ESRRG: variants seen among roughly 807,000 people sequenced by gnomAD.
The protein encoded by ESRRG is estrogen related receptor gamma.
In ESRRG, 13 loss-of-function variants were observed where a neutral mutation model predicts 44.0. The ratio of observed to expected loss-of-function variants is 0.30; its 90% CI spans 0.19 to 0.47. The LOEUF is 0.47. Among genes scored for constraint, ESRRG ranks in the 20% least tolerant of loss-of-function variants. The probability of loss-of-function intolerance (pLI) is 1.00; values close to 1 mark genes in which losing one functional copy is unlikely to be tolerated. For synonymous variants in ESRRG, 215 were observed against 214.6 expected (o/e 1.00, Z -0.02); for missense variants, 395 against 580.6 (o/e 0.68, Z 3.29).
chr1:217,009,843 T>C (rs543331340), intron 1 of ESRRG, among the ~76,000 whole-genome samples: 1 of 151,668 alleles, frequency 6.6e-6, no homozygotes, highest in African/African-American at 2.4e-5. Context: ...GTAGCTGAGA[T>C]TACAGGTGCC....
chr1:217,005,159 T>G (rs1157147778), intron 1 of ESRRG, among the ~76,000 whole-genome samples: 3 of 152,208 alleles, frequency 2.0e-5, no homozygotes, highest in Admixed American at 6.6e-5. Flanking sequence ...ATTTTATGTC[T>G]TATTTTCATT....
intron 2 of ESRRG, among the ~76,000 whole-genome samples, chr1:216,672,792 A>G (rs2075428854): frequency 6.6e-6 from 1 of 152,136 alleles, no homozygotes; most frequent in Non-Finnish European, 1.5e-5. Flanking sequence ...ACTTGAGCCC[A>G]GGAGGTGGAG....
chr1:217,135,462 AAGCGTGTGG>A (rs2093035707), intron 1 of ESRRG, among the ~76,000 whole-genome samples: 1 of 152,034 alleles, frequency 6.6e-6, no homozygotes, highest in South Asian at 2.1e-4. Context: ...GGACAAGAGA[AAGCGTGTGG>A]AGCTGGAGGT....
At chr1:216,621,083 C>T (rs1385526573) in intron 3 of ESRRG, among the ~76,000 whole-genome samples, 2 of 152,074 alleles carry the variant, frequency 1.3e-5, no homozygotes, top group South Asian at 2.1e-4. Flanking sequence ...GAAGCAGCCC[C>T]AGATATGTAT....
chr1:216,622,572 T>A (rs962182730), intron 3 of ESRRG, among the ~76,000 whole-genome samples: 2 of 151,788 alleles, frequency 1.3e-5, no homozygotes, highest in Non-Finnish European at 2.9e-5. Flanking sequence ...TGTTTCTTCT[T>A]TTTATTAAGT....
chr1:216,685,983 A>G (rs1294666369), intron 1 of ESRRG: 1 of 152,258 alleles, frequency 6.6e-6, no homozygotes, highest in Non-Finnish European at 1.5e-5. Context: ...TGCTTCAAGC[A>G]CATATGAAAA....
intron 5 of ESRRG, among the ~76,000 whole-genome samples, chr1:216,540,019 A>T (rs2052229265): frequency 6.6e-6 from 1 of 152,028 alleles, no homozygotes; most frequent in Admixed American, 6.6e-5. Flanking sequence ...CAAGAAATTT[A>T]AAATAGGCCC....
At chr1:216,785,124 T>A (rs2094079313) in intron 2 of ESRRG, among the ~76,000 whole-genome samples, 1 of 151,976 alleles carries the variant, frequency 6.6e-6, no homozygotes. Flanking sequence ...AAAAATCAAA[T>A]TTCTTTAGAA....
chr1:216,769,063 AG>A (rs1386430006), intron 2 of ESRRG, among the ~76,000 whole-genome samples: 1 of 133,228 alleles, frequency 7.5e-6, no homozygotes, highest in Non-Finnish European at 1.6e-5. Flanking sequence ...TTTTAGGAAA[AG>A]GAGGCCAAAA....
chr1:216,765,289 A>C (rs893346747), intron 2 of ESRRG, among the ~76,000 whole-genome samples: 2 of 152,092 alleles, frequency 1.3e-5, no homozygotes, highest in African/African-American at 2.4e-5. Flanking sequence ...AAACACTATT[A>C]ACAACAATAA....
At chr1:216,787,686 C>T (rs1158107046) in intron 2 of ESRRG, among the ~76,000 whole-genome samples, 2 of 149,278 alleles carry the variant, frequency 1.3e-5, no homozygotes, top group African/African-American at 4.9e-5. Context: ...CACTTGAAAT[C>T]AAAAGCTAGA....
intron 2 of ESRRG, among the ~76,000 whole-genome samples, chr1:216,915,489 C>G (rs2061041706): frequency 1.3e-5 from 2 of 152,090 alleles, no homozygotes; most frequent in South Asian, 4.1e-4. Flanking sequence ...TTTGAACATT[C>G]AAAGTTCAAC....
chr1:216,857,019 A>G (rs987292660), intron 2 of ESRRG, among the ~76,000 whole-genome samples: 3 of 152,114 alleles, frequency 2.0e-5, no homozygotes, highest in African/African-American at 4.8e-5. Flanking sequence ...TCTCCTTGCT[A>G]TTGTCTTGCT....
intron 3 of ESRRG, among the ~76,000 whole-genome samples, chr1:216,605,839 G>T (rs1049144096): frequency 6.7e-6 from 1 of 149,154 alleles, no homozygotes; most frequent in Admixed American, 6.7e-5. Flanking sequence ...CACCCAATCT[G>T]CAAGAAAAGC....
chr1:216,939,102 A>T (rs1308181424), intron 2 of ESRRG, among the ~76,000 whole-genome samples: 1 of 152,132 alleles, frequency 6.6e-6, no homozygotes, highest in Non-Finnish European at 1.5e-5. Flanking sequence ...AGAAGGTAGA[A>T]TTAGAAAGAG....
chr1:216,711,073 T>C (rs1018230943), intron 1 of ESRRG, among the ~76,000 whole-genome samples: 3 of 152,222 alleles, frequency 2.0e-5, no homozygotes, highest in African/African-American at 7.2e-5. Flanking sequence ...CACTTTGTGC[T>C]GACATTTCTA....
At chr1:217,067,928 G>C (rs75943896) in intron 1 of ESRRG, among the ~76,000 whole-genome samples, 2,344 of 152,252 alleles carry the variant, frequency 0.015, 58 homozygotes, top group African/African-American at 0.053. Context: ...TCGCTTTGAT[G>C]AAAGAATGTT....
chr1:217,135,931 A>G (rs1390378941), intron 1 of ESRRG, among the ~76,000 whole-genome samples: 1 of 152,100 alleles, frequency 6.6e-6, no homozygotes, highest in Non-Finnish European at 1.5e-5. Context: ...TTTTCTGGGG[A>G]CGACCTTACT....
At chr1:216,704,246 G>T (rs1428502285) in intron 1 of ESRRG, among the ~76,000 whole-genome samples, 3 of 152,280 alleles carry the variant, frequency 2.0e-5, no homozygotes, top group East Asian at 3.9e-4. Context: ...GGGCGCGGTG[G>T]CTCACGCTTG....
Sources: allele counts gnomAD v4.1 joint callset (sites outside exome capture counted in the v4.1 genomes callset), GRCh38; gene constraint gnomAD v4.1.1; transcripts MANE v1.5; gene names NCBI Gene and HGNC (gene_info 2026-07-23, HGNC 2026-07-21).